Variants in PLCXD3 observed in about 807,000 individuals in gnomAD.
PLCXD3 encodes the protein phosphatidylinositol specific phospholipase C X domain containing 3, also known as PI-PLC X domain-containing protein 3.
Under a neutral mutation model 25.5 loss-of-function variants are expected in PLCXD3, and 19 were observed. The ratio of observed to expected loss-of-function variants is 0.75; its 90% confidence interval spans 0.52 to 1.09. The LOEUF (loss-of-function observed/expected upper bound fraction) is 1.09. Ranked by LOEUF, PLCXD3 falls within the 50% of genes least tolerant of loss-of-function variation. The pLI is 0.00. For synonymous variants in PLCXD3, 174 were observed against 137.6 expected, an observed-to-expected ratio of 1.26 and a Z score of -1.85; for missense variants, 411 against 388.1, an observed-to-expected ratio of 1.06 and a Z score of -0.50.
At chr5:41,453,312 T>C (rs1191309801) in intron 1 of PLCXD3, among the ~76,000 whole-genome samples, 1 of 152,062 alleles carries the variant, frequency 6.6e-6, no homozygotes, top group East Asian at 1.9e-4. Flanking sequence ...TCACAAACTA[T>C]TGGCTGTATG....
intron 1 of PLCXD3, among the ~76,000 whole-genome samples, chr5:41,456,839 TAA>T (rs1747764693): frequency 6.6e-6 from 1 of 151,908 alleles, no homozygotes; most frequent in South Asian, 2.1e-4. Flanking sequence ...CACCTTGATC[TAA>T]GATTTCTCAG....
rs1743138219 is a variant in PLCXD3, at chr5:41,311,645, G to C, written c.*1972C>G. 1 of 152,048 alleles carries C rather than the reference G, an allele frequency of 6.6e-6. No individual in the cohort carries two copies. The highest frequency in any genetic ancestry group is 1.5e-5 in the Non-Finnish European group (1 of 67,996). The allele number at this position is 152,048 out of a possible 1,614,324, so 9.4% of individuals were successfully genotyped here. A position where few individuals can be genotyped will look rare whatever the true frequency, so the allele number is the denominator to read the frequency against. ...AACCCAAATGTATACACACATTTTT[G>C]TGTGTACATGTATGCTATTTGGTAT... On this transcript the variant is annotated 3_prime_UTR_variant, in exon 3 of 3. Transcript: ENST00000377801.
At position 41,345,683 on chromosome 5, in the gene PLCXD3, T is replaced by TACACACACAC. The variant is rs57657516; in HGVS notation, c.813-31923_813-31914dup. Reference sequence around the variant, plus strand: ...CTCCAAATTTATACATACATATGTGTACACACACACACACACACACACACA... The same window carrying TACACACACAC: ...CTCCAAATTTATACATACATATGTGTACACACACACACACACACACACACACACACACACA... On this transcript the variant is annotated intron_variant, in intron 2 of 2. Transcript: ENST00000377801. Among the ~76,000 whole-genome samples, 220 of 146,142 alleles carry TACACACACAC rather than the reference T, an allele frequency of 1.5e-3. 1 individual carries two copies. The highest frequency in any genetic ancestry group is 5.4e-3 in the African/African-American group (216 of 40,002).
chr5:41,333,641 C>T (rs1743896885), intron 2 of PLCXD3, among the ~76,000 whole-genome samples: 4 of 152,178 alleles, frequency 2.6e-5, no homozygotes, highest in Admixed American at 2.0e-4. Flanking sequence ...AAATATTTTT[C>T]CCCTAAAATT....
At chr5:41,372,627 T>C (rs1745137479) in intron 2 of PLCXD3, among the ~76,000 whole-genome samples, 1 of 152,006 alleles carries the variant, frequency 6.6e-6, no homozygotes, top group East Asian at 1.9e-4. Flanking sequence ...TGTCATACAG[T>C]CTCACAACTG....
In PLCXD3 at chr5:41,382,020, G is replaced by C. The variant is rs150374721; in HGVS notation, c.618C>G (p.Leu206=). 1.9e-6 allele frequency: 3 copies of C among 1,613,450 alleles called. No homozygotes were observed. The African/African-American group carries it at 4.0e-5, about 22-fold the overall frequency. ...GTGCTGGCATCATCTGCCCAGGCCA[G>C]AGAAAGGGCACTTCCAGAGCCACTG... is the stretch of plus-strand genomic sequence containing the variant. ...HSPVALEVPF[L]WPGQMMPAPW... Residue 206 remains leucine, a synonymous_variant, in exon 2 of 3, where the codon CTC becomes CTG. Transcript: ENST00000377801.
intron 1 of PLCXD3, among the ~76,000 whole-genome samples, chr5:41,419,033 A>C (rs1357868777): frequency 6.6e-6 from 1 of 152,178 alleles, no homozygotes; most frequent in Non-Finnish European, 1.5e-5. Flanking sequence ...GATTGTAGAC[A>C]GTAGGTTTTA....
chr5:41,440,020 T>A lies in PLCXD3; in HGVS notation c.104-57486A>T, dbSNP rs113087172. Among the ~76,000 whole-genome samples, 15 of 152,168 alleles carry A rather than the reference T, an allele frequency of 9.9e-5. 4 individuals carry two copies. The highest frequency in any genetic ancestry group is 3.6e-4 in the African/African-American group (15 of 41,520). On this transcript the variant is annotated intron_variant, in intron 1 of 2. Coordinates refer to ENST00000377801, the MANE Select transcript of PLCXD3 (RefSeq NM_001005473.3). ...GGAAAGAAGTCAGTTGGGACAATGATAGAAGAGGAAGGATTCGCACACAGG... is the reference window on the plus strand; with the variant it reads ...GGAAAGAAGTCAGTTGGGACAATGAAAGAAGAGGAAGGATTCGCACACAGG...
intron 2 of PLCXD3, among the ~76,000 whole-genome samples, chr5:41,341,446 GA>G (rs1314242896): frequency 1.3e-5 from 2 of 152,136 alleles, no homozygotes; most frequent in African/African-American, 4.8e-5. Context: ...TCACGACTAT[GA>G]ATACTCATGC....
chr5:41,317,575 A>T (rs369876892), intron 2 of PLCXD3, among the ~76,000 whole-genome samples: 19 of 152,250 alleles, frequency 1.2e-4, no homozygotes, highest in African/African-American at 4.6e-4. Flanking sequence ...CAGACAAAGA[A>T]CTCAAAGTAG....
chr5:41,462,543 C>CT (rs1400343174), intron 1 of PLCXD3, among the ~76,000 whole-genome samples: 1 of 151,960 alleles, frequency 6.6e-6, no homozygotes, highest in East Asian at 1.9e-4. Context: ...AAGCCTAACT[C>CT]TAACATTTTG....
intron 1 of PLCXD3, among the ~76,000 whole-genome samples, chr5:41,444,003 T>C (rs1021401437): frequency 3.3e-5 from 5 of 152,182 alleles, no homozygotes; most frequent in Non-Finnish European, 5.9e-5. Flanking sequence ...AATGGGAAAA[T>C]TAGTGAAGTA....
intron 1 of PLCXD3, among the ~76,000 whole-genome samples, chr5:41,473,462 T>A (rs1481273974): frequency 6.6e-6 from 1 of 151,642 alleles, no homozygotes; most frequent in African/African-American, 2.4e-5. Flanking sequence ...ATTAATTAAT[T>A]AATAATAATT....
chr5:41,453,480 G>A (rs1209939894), intron 1 of PLCXD3, among the ~76,000 whole-genome samples: 1 of 151,542 alleles, frequency 6.6e-6, no homozygotes, highest in Non-Finnish European at 1.5e-5. Context: ...TATGATACAA[G>A]AATAGGCAGA....
chr5:41,387,222 A>G (rs183441353), intron 1 of PLCXD3, among the ~76,000 whole-genome samples: 2 of 152,190 alleles, frequency 1.3e-5, no homozygotes, highest in East Asian at 3.9e-4. Flanking sequence ...TCAAGAAACC[A>G]CGTTCTGTGA....
intron 1 of PLCXD3, among the ~76,000 whole-genome samples, chr5:41,486,132 G>A (rs1748512543): frequency 6.6e-6 from 1 of 152,148 alleles, no homozygotes; most frequent in Non-Finnish European, 1.5e-5. Flanking sequence ...AGAGAGAAAA[G>A]TCTGGTGATA....
At chr5:41,509,778 C>G (rs1308748771) in intron 1 of PLCXD3, among the ~76,000 whole-genome samples, 1 of 152,222 alleles carries the variant, frequency 6.6e-6, no homozygotes, top group Non-Finnish European at 1.5e-5. Context: ...ACAGCGGCCA[C>G]TCGGCCAGGT....
At chr5:41,315,826 C>A (rs186781765) in intron 2 of PLCXD3, among the ~76,000 whole-genome samples, 1 of 152,264 alleles carries the variant, frequency 6.6e-6, no homozygotes, top group Admixed American at 6.5e-5. Flanking sequence ...CCTAACTCAG[C>A]GGACGCCCAG....
intron 1 of PLCXD3, among the ~76,000 whole-genome samples, chr5:41,491,082 A>G (rs545963941): frequency 2.7e-4 from 41 of 152,222 alleles, no homozygotes; most frequent in African/African-American, 9.4e-4. Flanking sequence ...AGTGCTATAA[A>G]TTTCCCTCTA....
Sources: gnomAD v4.1 joint callset for allele counts (sites outside exome capture counted in the v4.1 genomes callset) on GRCh38, gnomAD v4.1.1 for gene constraint, MANE v1.5 for transcripts, NCBI Gene and HGNC (gene_info 2026-07-23, HGNC 2026-07-21) for gene names.